Variants in MTOR observed in about 807,000 individuals in gnomAD.
MTOR encodes serine/threonine-protein kinase mTOR.
In MTOR, 70 loss-of-function variants were observed where a neutral mutation model predicts 319.8. The ratio of observed to expected loss-of-function variants is 0.22; its 90% CI spans 0.18 to 0.27. The LOEUF is 0.27. MTOR is among the 10% of genes least tolerant of loss of function. MTOR has a pLI of 1.00. For missense variants in MTOR, 1,890 were observed against 3,274.4 expected (o/e 0.58, Z 10.32); for synonymous variants, 1,183 against 1,211.4 (o/e 0.98, Z 0.49).
At position 11,248,016 on chromosome 1, in the gene MTOR, C is replaced by T. The variant is rs749298128; in HGVS notation, c.919G>A (p.Gly307Arg). 6.2e-6 allele frequency: 10 copies of T among 1,614,100 alleles called. No individual in the cohort carries two copies. The highest frequency in any genetic ancestry group is 3.3e-5 in the South Asian group (3 of 91,074). The change falls in exon 7 of 58, where the codon GGA becomes AGA. Residue 307 changes from glycine to arginine, a missense_variant. By Grantham distance (125) the Gly-to-Arg change is moderately radical. Transcript: ENST00000361445. ...GGGGTAATGTGACGAGGTTTTGTTC[C>T]GAAGCCCATGAGATCTTTGCAGTAC... ...DKYCKDLMGF[G>R]TKPRHITPFT...
At chr1:11,190,048 C>A in intron 28 of MTOR, 1 of 1,444,956 alleles carries the variant, frequency 6.9e-7, no homozygotes, top group Non-Finnish European at 9.3e-7. Flanking sequence ...ACTACTGGGG[C>A]CTCTTTTGTG....
At chr1:11,216,289 G>T in intron 19 of MTOR, 55 bp from the exon 20 acceptor site, 1 of 1,368,900 alleles carries the variant, frequency 7.3e-7, no homozygotes, top group Non-Finnish European at 1.0e-6. Flanking sequence ...TGAACCCCCA[G>T]GCTTACCTTA....
chr1:11,195,224 A>T (rs887580801), intron 28 of MTOR: 1 of 605,876 alleles, frequency 1.7e-6, no homozygotes, highest in Non-Finnish European at 2.8e-6. Flanking sequence ...AACTATTTAA[A>T]CCCACTGGGT....
At chr1:11,238,210 A>G (rs558921230) in intron 12 of MTOR, among the ~76,000 whole-genome samples, 162 bp from the exon 13 acceptor site, 26 of 152,230 alleles carry the variant, frequency 1.7e-4, no homozygotes, top group African/African-American at 5.5e-4. Context: ...GTAAAAGACA[A>G]AAGAATTAAA....
intron 4 of MTOR, 31 bp downstream of exon 4, chr1:11,256,902 C>A: frequency 6.3e-7 from 1 of 1,599,966 alleles, no homozygotes; most frequent in Non-Finnish European, 8.5e-7. Flanking sequence ...GTTCCCCAAG[C>A]CTGGCTGTGC....
At chr1:11,192,156 G>C in intron 28 of MTOR, 1 of 792,646 alleles carries the variant, frequency 1.3e-6, no homozygotes, top group Non-Finnish European at 2.1e-6. Flanking sequence ...ACACTGATGG[G>C]TAATTAACAC....
Position 11,109,581 on chromosome 1 carries a change from G to T in MTOR, c.7447+68C>A. 6.7e-7 allele frequency: 1 copy of T among 1,485,034 alleles called. No homozygotes were observed. Among genetic ancestry groups the T allele is most frequent in the South Asian group, 1.1e-5 (1 of 88,202 alleles). The allele number at this position is 1,485,034 out of a possible 1,614,324, so 92.0% of individuals were successfully genotyped here. On this transcript the variant is annotated intron_variant, in intron 55 of 57. Coordinates refer to ENST00000361445, the MANE Select transcript of MTOR (RefSeq NM_004958.4). This position sits in a 1 kb window ranked among gnomAD's most constrained non-coding sequence, Gnocchi z 4.0. Reference sequence around the variant, plus strand: ...GCTTCATCTTGTTGACCCCTCTCAGGGTATAACACAGCTGCTATTTTCTTA... The same window carrying T: ...GCTTCATCTTGTTGACCCCTCTCAGTGTATAACACAGCTGCTATTTTCTTA...
chr1:11,225,813 A>C (rs1043221764), intron 19 of MTOR, among the ~76,000 whole-genome samples: 1 of 152,180 alleles, frequency 6.6e-6, no homozygotes, highest in Non-Finnish European at 1.5e-5. Flanking sequence ...AAAAGATCTT[A>C]AAAAAATTAA....
At chr1:11,120,452 C>T (rs888271526) in intron 49 of MTOR, among the ~76,000 whole-genome samples, 9 of 151,592 alleles carry the variant, frequency 5.9e-5, no homozygotes, top group African/African-American at 1.9e-4. Context: ...GCAGGAGAAT[C>T]GCTTGAACCC....
rs1439726449 is a variant in MTOR at position 11,157,149 on chromosome 1, C to T, written c.4469+3G>A. On this transcript the variant is annotated splice_donor_region_variant and intron_variant, in intron 30 of 57. Transcript: ENST00000361445. ...ACACATGCCATCATTCTAGGAAGCT[C>T]ACCATTCCCCCAAGGCCTCGAGGCA... The T allele has an allele frequency of 2.5e-6, 4 of 1,598,458 alleles. No homozygotes were observed. The highest frequency in any genetic ancestry group is 3.4e-6 in the Non-Finnish European group (4 of 1,173,642).
intron 49 of MTOR, among the ~76,000 whole-genome samples, chr1:11,119,978 C>G (rs182232576): frequency 1.8e-3 from 277 of 150,832 alleles, no homozygotes; most frequent in African/African-American, 6.2e-3. Context: ...GTCTCTAATC[C>G]CAGCACTTTA....
At chr1:11,179,943 G>A (rs746512483) in intron 28 of MTOR, among the ~76,000 whole-genome samples, 9 of 152,154 alleles carry the variant, frequency 5.9e-5, no homozygotes, top group Non-Finnish European at 1.0e-4. Context: ...ATAGTGTCTT[G>A]TTCTGTTGCC....
At chr1:11,251,237 G>T (rs1417945565) in intron 6 of MTOR, among the ~76,000 whole-genome samples, 1 of 152,146 alleles carries the variant, frequency 6.6e-6, no homozygotes, top group East Asian at 1.9e-4. Flanking sequence ...AGCCATGGTA[G>T]GGGAGCTGCT....
In MTOR at chr1:11,128,377, G is replaced by A. The variant is rs1642952603; in HGVS notation, c.5910+77C>T. On this transcript the variant is annotated intron_variant, in intron 42 of 57. Transcript: ENST00000361445. This position sits in a 1 kb window ranked among gnomAD's most constrained non-coding sequence, Gnocchi z 5.3. ...CATGGCTCCCAGTTCCTGCGCTTGT[G>A]TCGCCAGGGCAGCTTTTGGAAAGGC... 2.7e-6 allele frequency: 4 copies of A among 1,462,808 alleles called. No homozygotes were observed. The Admixed American group carries it at 6.9e-5, about 25-fold the overall frequency. 90.6% of individuals were successfully genotyped at this position (1,462,808 alleles called of 1,614,324 possible). A position where few individuals can be genotyped will look rare whatever the true frequency, so the allele number is the denominator to read the frequency against.
chr1:11,112,550 G>A (rs138163665), intron 54 of MTOR, among the ~76,000 whole-genome samples: 1,723 of 152,298 alleles, frequency 0.011, 68 homozygotes, highest in South Asian at 0.066. Flanking sequence ...CAAGAACCAC[G>A]AGAAAACTAG....
chr1:11,248,549 T>C (rs1444508613), intron 6 of MTOR, among the ~76,000 whole-genome samples: 1 of 152,204 alleles, frequency 6.6e-6, no homozygotes, highest in Non-Finnish European at 1.5e-5. Flanking sequence ...TGGTGGCTCA[T>C]GCCTGTAATT....
rs756418718 is a variant in MTOR, at chr1:11,210,861, G to A, written c.3607C>T (p.Arg1203Ter). Reference protein sequence around the residue: ...PMVNKVLVRHRINHQRYDVLI... With the variant: ...PMVNKVLVRH ...ACATCATAGCGCTGATGATTGATTC[G>A]GTGTCGCACCAGAACTTTATTCACC... The change falls in exon 24 of 58, where the codon CGA (arginine) becomes TGA (stop). Residue 1203 changes from arginine (R) to a stop codon, truncating the protein, a stop_gained. Coordinates refer to ENST00000361445, the MANE Select transcript of MTOR (RefSeq NM_004958.4). LOFTEE classifies it high-confidence loss of function. 1.9e-6 allele frequency: 3 copies of A among 1,613,846 alleles called. No individual in the cohort carries two copies. Among genetic ancestry groups the A allele is most frequent in the East Asian group, 2.2e-5 (1 of 44,878 alleles).
At position 11,129,673 on chromosome 1, in the gene MTOR, G is replaced by A. The variant is rs905858881; in HGVS notation, c.5714+65C>T. The A allele has an allele frequency of 7.0e-6, 10 of 1,425,960 alleles. No homozygotes were observed. The highest frequency in any genetic ancestry group is 4.2e-5 in the African/African-American group (3 of 71,192). 88.3% of individuals were successfully genotyped at this position (1,425,960 alleles called of 1,614,324 possible). A position where few individuals can be genotyped will look rare whatever the true frequency, so the allele number is the denominator to read the frequency against. ...TCAGGAAGGGAAAGAGGACTTTTAC[G>A]TGTGACTTCTAGGTCTTGCCATTAA... On this transcript the variant is annotated intron_variant, in intron 40 of 57. Coordinates refer to ENST00000361445, the MANE Select transcript of MTOR (RefSeq NM_004958.4). This position sits in a 1 kb window ranked among gnomAD's most constrained non-coding sequence, Gnocchi z 4.7.
At position 11,128,278 on chromosome 1, in the gene MTOR, C is replaced by T. The variant is rs1195681860; in HGVS notation, c.5911-152G>A. 5 of 1,342,866 alleles carry T rather than the reference C, an allele frequency of 3.7e-6. No homozygotes were observed. In the African/African-American group the frequency reaches 7.3e-5, roughly 20 times the overall value. 83.2% of individuals were successfully genotyped at this position (1,342,866 alleles called of 1,614,324 possible). ...AAGGGGCTCAGTCTTCGAGGGAACG[C>T]TTTCTTTTTAGCAAGGCTCCCGGGC... On this transcript the variant is annotated intron_variant, in intron 42 of 57. Coordinates refer to ENST00000361445, the MANE Select transcript of MTOR (RefSeq NM_004958.4). The surrounding 1 kb of genome is among the most constrained non-coding windows in gnomAD (Gnocchi z 5.3).
Sources: allele counts gnomAD v4.1 joint callset (sites outside exome capture counted in the v4.1 genomes callset), GRCh38; gene constraint gnomAD v4.1.1; non-coding constraint Gnocchi (gnomAD v3.1); transcripts MANE v1.5; gene names NCBI Gene and HGNC (gene_info 2026-07-23, HGNC 2026-07-21).